The following ABCB1 variants were observed in gnomAD, a reference collection of about 807,000 sequenced individuals.
ABCB1 encodes the protein ATP-dependent translocase ABCB1.
Under a neutral mutation model 142.0 loss-of-function variants are expected in ABCB1, and 69 were observed. The ratio of observed to expected loss-of-function variants is 0.49; its 90% CI spans 0.40 to 0.59. ABCB1 has a LOEUF of 0.59. ABCB1 is among the 20% of genes least tolerant of loss of function. ABCB1 has a pLI of 0.00. For missense variants in ABCB1, 1,326 were observed against 1,554.7 expected, an observed-to-expected ratio of 0.85 and a Z score of 2.47; for synonymous variants, 532 against 539.2, an observed-to-expected ratio of 0.99 and a Z score of 0.18.
chr7:87,664,174 A>G (rs1026147926), intron 1 of ABCB1, among the ~76,000 whole-genome samples: 2 of 152,050 alleles, frequency 1.3e-5, no homozygotes, highest in African/African-American at 4.8e-5. Flanking sequence ...AAAAATATAC[A>G]GGGTAGCCAG....
At chr7:87,593,525 A>T (rs1819079178) in intron 3 of ABCB1, among the ~76,000 whole-genome samples, 1 of 152,244 alleles carries the variant, frequency 6.6e-6, no homozygotes. Context: ...AGGCCTGTAT[A>T]CAAAGGTTGG....
intron 21 of ABCB1, chr7:87,521,609 C>A: frequency 1.3e-6 from 1 of 765,740 alleles, no homozygotes; most frequent in South Asian, 1.3e-5. Context: ...ATGAGAGATC[C>A]AAATACCAAG....
At chr7:87,588,525 T>C (rs1254970001) in intron 3 of ABCB1, among the ~76,000 whole-genome samples, 1 of 152,242 alleles carries the variant, frequency 6.6e-6, no homozygotes, top group Non-Finnish European at 1.5e-5. Flanking sequence ...TTTCTTTTTA[T>C]GGCTGCATGG....
chr7:87,547,513 A>G (rs1816835726), intron 14 of ABCB1, among the ~76,000 whole-genome samples: 1 of 151,920 alleles, frequency 6.6e-6, no homozygotes, highest in South Asian at 2.1e-4. Context: ...GGATTGCTTG[A>G]GCCCAGGAGT....
At chr7:87,615,202 G>T (rs1331528534) in intron 1 of ABCB1, among the ~76,000 whole-genome samples, 1 of 152,102 alleles carries the variant, frequency 6.6e-6, no homozygotes, top group Non-Finnish European at 1.5e-5. Flanking sequence ...ACAAAGGAAG[G>T]AGCTCTGTCT....
rs555576389 is a variant in ABCB1 at position 87,565,016 on chromosome 7, T to G, written c.702+1054A>C. Among the ~76,000 whole-genome samples, 42 of 152,324 alleles carry G rather than the reference T, an allele frequency of 2.8e-4. 1 individual carries two copies. The highest frequency in any genetic ancestry group is 1.0e-3 in the African/African-American group (42 of 41,584). ...ACATTATTTGAACTCTATGTTACTCTGAGCAAAAAATTAACAGAGACCTGA... is the reference window on the plus strand; with the variant it reads ...ACATTATTTGAACTCTATGTTACTCGGAGCAAAAAATTAACAGAGACCTGA... On this transcript the variant is annotated intron_variant, in intron 7 of 27. Transcript: ENST00000622132.
intron 1 of ABCB1, among the ~76,000 whole-genome samples, chr7:87,642,471 A>G (rs1421611967): frequency 2.0e-5 from 3 of 152,142 alleles, no homozygotes; most frequent in Non-Finnish European, 2.9e-5. Flanking sequence ...ATGTGATCCA[A>G]GTATATAAAG....
chr7:87,579,656 T>C (rs1278003405), intron 4 of ABCB1, among the ~76,000 whole-genome samples: 1 of 152,184 alleles, frequency 6.6e-6, no homozygotes, highest in African/African-American at 2.4e-5. Context: ...AGATTCAATG[T>C]TATTATTGAT....
rs1381150911 is a variant in ABCB1, at chr7:87,626,021, TATAG to T, written c.-330-24947_-330-24944del. On this transcript the variant is annotated intron_variant, in intron 1 of 28. Transcript: ENST00000265724. ...ATATGTATATGTACATATATATATATATAGAGAGAGAGAGAGAGAGAGAGATGGA... is the reference window on the plus strand; with the variant it reads ...ATATGTATATGTACATATATATATATAGAGAGAGAGAGAGAGAGAGATGGA... Among the ~76,000 whole-genome samples, 173 of 126,550 alleles carry T rather than the reference TATAG, an allele frequency of 1.4e-3. 3 individuals are homozygous for T. In the Middle Eastern group the frequency reaches 0.016, roughly 12 times the overall value. 83.0% of individuals were successfully genotyped at this position (126,550 alleles called of 152,430 possible). A position where few individuals can be genotyped will look rare whatever the true frequency, so the allele number is the denominator to read the frequency against.
At chr7:87,523,307 T>A (rs11979702) in intron 21 of ABCB1, among the ~76,000 whole-genome samples, 18,737 of 152,150 alleles carry the variant, frequency 0.12, 1,223 homozygotes, top group South Asian at 0.15. Context: ...TTTTAAGGAA[T>A]GTGGCACATA....
chr7:87,540,910 A>T (rs1006577450), intron 18 of ABCB1, among the ~76,000 whole-genome samples: 1 of 152,222 alleles, frequency 6.6e-6, no homozygotes. Context: ...CTTGAACAAA[A>T]GTTGAACGAT....
At chr7:87,561,175 A>C in intron 8 of ABCB1, 88 bp downstream of exon 8, 1 of 1,494,904 alleles carries the variant, frequency 6.7e-7, no homozygotes, top group Non-Finnish European at 9.2e-7. Context: ...ATATGGGAGA[A>C]AATGCTTATA....
At chr7:87,536,663 TG>T in intron 19 of ABCB1, 122 bp from the exon 20 acceptor site, 1 of 781,846 alleles carries the variant, frequency 1.3e-6, no homozygotes, top group Non-Finnish European at 2.2e-6. Flanking sequence ...ACTCAGGATG[TG>T]ACATTCAATA....
intron 1 of ABCB1, among the ~76,000 whole-genome samples, chr7:87,675,536 A>G (rs921935344): frequency 5.9e-5 from 9 of 152,142 alleles, no homozygotes; most frequent in South Asian, 2.1e-4. Flanking sequence ...TAGAGAACCC[A>G]GAAATTAATG....
At chr7:87,636,923 A>G (rs1211597112) in intron 1 of ABCB1, among the ~76,000 whole-genome samples, 1 of 152,238 alleles carries the variant, frequency 6.6e-6, no homozygotes, top group African/African-American at 2.4e-5. Context: ...ACTTACAAGC[A>G]TGGTGGAAGG....
At chr7:87,552,015 C>T (rs1414539688) in intron 9 of ABCB1, among the ~76,000 whole-genome samples, 1 of 152,184 alleles carries the variant, frequency 6.6e-6, no homozygotes, top group South Asian at 2.1e-4. Context: ...AAGATTCTAT[C>T]TGTTCTCCCT....
intron 27 of ABCB1, among the ~76,000 whole-genome samples, chr7:87,505,512 G>A (rs576502876): frequency 7.9e-5 from 12 of 152,004 alleles, no homozygotes; most frequent in East Asian, 1.9e-4. Flanking sequence ...AATTTTTAAC[G>A]TTTTCTCTGA....
intron 1 of ABCB1, among the ~76,000 whole-genome samples, chr7:87,685,159 C>G (rs1044474793): frequency 6.6e-6 from 1 of 151,856 alleles, no homozygotes; most frequent in Non-Finnish European, 1.5e-5. Flanking sequence ...AAGGCATAGA[C>G]CAGGAAAAAA....
At chr7:87,564,401 C>T (rs929448374) in intron 7 of ABCB1, among the ~76,000 whole-genome samples, 1 of 152,074 alleles carries the variant, frequency 6.6e-6, no homozygotes, top group African/African-American at 2.4e-5. Flanking sequence ...TTTTCAAGAT[C>T]AGACTGCCAG....
Sources: allele counts gnomAD v4.1 joint callset (sites outside exome capture counted in the v4.1 genomes callset), GRCh38; gene constraint gnomAD v4.1.1; transcripts MANE v1.5; gene names NCBI Gene and HGNC (gene_info 2026-07-23, HGNC 2026-07-21).